The following PIN1 variants were observed in gnomAD, a reference collection of about 807,000 sequenced individuals.
The protein encoded by PIN1 is peptidyl-prolyl cis-trans isomerase NIMA-interacting 1.
A neutral mutation model predicts 19.9 loss-of-function variants in PIN1; 8 were observed. The ratio of observed to expected loss-of-function variants is 0.40; its 90% confidence interval spans 0.24 to 0.72. The LOEUF (loss-of-function observed/expected upper bound fraction) is 0.72. Among genes scored for constraint, PIN1 ranks in the 30% least tolerant of loss-of-function variants. The pLI is 0.37. For missense variants in PIN1, 185 were observed against 226.5 expected (o/e 0.82, Z 1.18); for synonymous variants, 86 against 90.8 (o/e 0.95, Z 0.30).
intron 2 of PIN1, among the ~76,000 whole-genome samples, chr19:9,844,197 C>G (rs1428533579): frequency 6.6e-6 from 1 of 152,128 alleles, no homozygotes; most frequent in Non-Finnish European, 1.5e-5. Context: ...GTGACACAAA[C>G]ATTGAGTCCA....
intron 2 of PIN1, among the ~76,000 whole-genome samples, chr19:9,847,672 G>A (rs571754940): frequency 6.0e-5 from 9 of 150,980 alleles, no homozygotes; most frequent in Non-Finnish European, 1.2e-4. Flanking sequence ...CAGCTTGTAT[G>A]TAGATTTTCC....
intron 2 of PIN1, among the ~76,000 whole-genome samples, chr19:9,841,750 G>A (rs1184048604): frequency 6.6e-6 from 1 of 152,200 alleles, no homozygotes; most frequent in Non-Finnish European, 1.5e-5. Context: ...GAAGCCAGGA[G>A]AGAATTGCAA....
chr19:9,842,659 G>A (rs1360352831), intron 2 of PIN1, among the ~76,000 whole-genome samples: 4 of 152,234 alleles, frequency 2.6e-5, no homozygotes, highest in African/African-American at 4.8e-5. Context: ...TGCCTGAGAC[G>A]GTGCTGGGGC....
At chr19:9,836,726 T>C (rs776606956) in intron 1 of PIN1, 69 of 776,450 alleles carry the variant, frequency 8.9e-5, no homozygotes, top group Non-Finnish European at 1.1e-4. Context: ...TTCCTAGCTC[T>C]GCAACACCAT....
rs985553250 is a variant in PIN1 at position 9,846,394 on chromosome 19, G to A, written c.272-1636G>A. ...GTTGGTCAGGGTCCTGCTCGGTGCC[G>A]GGCACTATGCTGCATGTCACAGCCA... is the stretch of plus-strand genomic sequence containing the variant. On this transcript the variant is annotated intron_variant, in intron 2 of 3. Transcript: ENST00000247970. This position sits in a 1 kb window ranked among gnomAD's most constrained non-coding sequence, Gnocchi z 5.9. Among the ~76,000 whole-genome samples the A allele has an allele frequency of 3.9e-5, 6 of 152,118 alleles. No individual in the cohort carries two copies. Among genetic ancestry groups the A allele is most frequent in the Non-Finnish European group, 7.4e-5 (5 of 68,008 alleles).
intron 2 of PIN1, among the ~76,000 whole-genome samples, chr19:9,844,989 AC>A (rs1471431935): frequency 6.6e-6 from 1 of 152,176 alleles, no homozygotes; most frequent in Non-Finnish European, 1.5e-5. Context: ...CAAGCAACAC[AC>A]CAATGGGACG....
At chr19:9,842,949 A>G (rs934958412) in intron 2 of PIN1, among the ~76,000 whole-genome samples, 4 of 152,230 alleles carry the variant, frequency 2.6e-5, no homozygotes, top group Admixed American at 6.5e-5. Flanking sequence ...GGCTGCCTGC[A>G]GAGAGAGCCG....
At chr19:9,844,111 C>G (rs1357658067) in intron 2 of PIN1, among the ~76,000 whole-genome samples, 3 of 152,126 alleles carry the variant, frequency 2.0e-5, no homozygotes, top group African/African-American at 7.2e-5. Flanking sequence ...CTCATTTAAC[C>G]CTAGTTACTT....
At chr19:9,844,212 G>A (rs1381848697) in intron 2 of PIN1, among the ~76,000 whole-genome samples, 4 of 151,584 alleles carry the variant, frequency 2.6e-5, no homozygotes, top group African/African-American at 7.3e-5. Flanking sequence ...AGTCCATAAC[G>A]GATGGGCAGC....
chr19:9,838,380 C>T lies in PIN1; in HGVS notation c.59-56C>T. The T allele has an allele frequency of 5.6e-6, 8 of 1,425,238 alleles. 1 individual carries two copies. The South Asian group carries it at 9.8e-5, about 17-fold the overall frequency. 88.3% of individuals were successfully genotyped at this position (1,425,238 alleles called of 1,614,324 possible). On this transcript the variant is annotated intron_variant, in intron 1 of 3. Transcript: ENST00000247970. This position sits in a 1 kb window ranked among gnomAD's most constrained non-coding sequence, Gnocchi z 5.8. ...TCACCCTGGCTTCTGGCTGTGGGCC[C>T]AGGGGTGTCCTGGGAGCACAACCCT...
chr19:9,845,841 C>T (rs753995795), intron 2 of PIN1, among the ~76,000 whole-genome samples: 14 of 152,148 alleles, frequency 9.2e-5, no homozygotes, highest in African/African-American at 2.2e-4. Flanking sequence ...CAGCCCTGGC[C>T]GCTGGGGGCT....
chr19:9,845,924 T>G (rs2046215907), intron 2 of PIN1, among the ~76,000 whole-genome samples: 1 of 152,052 alleles, frequency 6.6e-6, no homozygotes, highest in South Asian at 2.1e-4. Flanking sequence ...CAGTCCTGCT[T>G]CCCCGAAGTA....
At chr19:9,840,785 C>T (rs2046158181) in intron 2 of PIN1, among the ~76,000 whole-genome samples, 1 of 152,042 alleles carries the variant, frequency 6.6e-6, no homozygotes, top group African/African-American at 2.4e-5. Context: ...TTAGTAGAGA[C>T]AGGACTTCAC....
intron 2 of PIN1, among the ~76,000 whole-genome samples, chr19:9,844,248 C>T (rs900559738): frequency 1.1e-4 from 16 of 152,170 alleles, no homozygotes; most frequent in African/African-American, 3.9e-4. Flanking sequence ...GCCTGCTCTG[C>T]AACAGCCACT....
chr19:9,844,182 T>G (rs1165441363), intron 2 of PIN1, among the ~76,000 whole-genome samples: 1 of 152,116 alleles, frequency 6.6e-6, no homozygotes, highest in African/African-American at 2.4e-5. Flanking sequence ...ACACATGAAT[T>G]TGGGGTGACA....
At chr19:9,848,584 A>G in intron 3 of PIN1, 1 of 246,830 alleles carries the variant, frequency 4.1e-6, no homozygotes, top group South Asian at 5.3e-5. Flanking sequence ...AGGACAGTGG[A>G]AATCAGGGAC....
At position 9,849,131 on chromosome 19, in the gene PIN1, C is replaced by G. The variant is rs751238192; in HGVS notation, c.424C>G (p.Arg142Gly). 6.2e-7 allele frequency: 1 copy of G among 1,613,794 alleles called. No homozygotes were observed. Among genetic ancestry groups the G allele is most frequent in the Non-Finnish European group, 8.5e-7 (1 of 1,179,794 alleles). Residue 142 changes from arginine to glycine, a missense_variant, in exon 4 of 4, where the codon CGG becomes GGG. By Grantham distance (125) the Arg-to-Gly change is moderately radical. Coordinates refer to ENST00000247970, the MANE Select transcript of PIN1 (RefSeq NM_006221.4). ...ATTTGAAGACGCCTCGTTTGCGCTG[C>G]GGACGGGGGAGATGAGCGGGCCCGT... ...KPFEDASFAL[R>G]TGEMSGPVFT...
At chr19:9,845,154 CG>C (rs1165188673) in intron 2 of PIN1, among the ~76,000 whole-genome samples, 1 of 152,128 alleles carries the variant, frequency 6.6e-6, no homozygotes, top group Non-Finnish European at 1.5e-5. Flanking sequence ...GTCATTGTCG[CG>C]GGGTCAGGTA....
intron 1 of PIN1, chr19:9,837,463 T>TTTTTGA: frequency 6.8e-6 from 1 of 147,372 alleles, no homozygotes; most frequent in South Asian, 2.0e-4. Flanking sequence ...CAGCCTGTTG[T>TTTTTGA]TTTTGTTTTT....
Sources: gnomAD v4.1 joint callset for allele counts (sites outside exome capture counted in the v4.1 genomes callset) on GRCh38, gnomAD v4.1.1 for gene constraint, Gnocchi (gnomAD v3.1) non-coding constraint, MANE v1.5 for transcripts, NCBI Gene and HGNC (gene_info 2026-07-23, HGNC 2026-07-21) for gene names.